Variants in SYNE1 observed in about 807,000 individuals in gnomAD.
SYNE1 encodes nesprin-1.
In SYNE1, 616 loss-of-function variants were observed where a neutral mutation model predicts 1,111.0. That is an observed-to-expected ratio of 0.55 (90% confidence interval 0.52 to 0.59). SYNE1 has a LOEUF of 0.59. Among genes scored for constraint, SYNE1 ranks in the 20% least tolerant of loss-of-function variants. The probability of loss-of-function intolerance (pLI) is 0.00; values close to 1 mark genes in which losing one functional copy is unlikely to be tolerated. For synonymous variants in SYNE1, 3,855 were observed against 3,825.8 expected (o/e 1.01, Z -0.28); for missense variants, 10,006 against 10,417.0 (o/e 0.96, Z 1.72).
At chr6:152,309,125 C>G (rs6906189) in intron 90 of SYNE1, among the ~76,000 whole-genome samples, 3,942 of 152,142 alleles carry the variant, frequency 0.026, 182 homozygotes, top group African/African-American at 0.09. Context: ...TCAATACAGC[C>G]TGGGCAACAT....
chr6:152,200,586 G>T (rs945459866), intron 127 of SYNE1, among the ~76,000 whole-genome samples: 1 of 152,066 alleles, frequency 6.6e-6, no homozygotes, highest in Non-Finnish European at 1.5e-5. Context: ...TTTAGATATG[G>T]AGTCTTGCCA....
In SYNE1 at chr6:152,347,077, G is replaced by T. The variant is rs2096650506; in HGVS notation, c.12060C>A (p.Ile4020=). ...LQGTKDSYSA[I]CSTAQRMYQS... ...CACTCACCCTCTGAGCTGTGCTGCA[G>T]ATCGCTGAGTAGCTGTCCTTTGTGC... Residue 4020 remains isoleucine, a synonymous_variant, in exon 73 of 146, where the codon ATC becomes ATA. Coordinates refer to ENST00000367255, the MANE Select transcript of SYNE1 (RefSeq NM_182961.4). The T allele has an allele frequency of 2.5e-6, 4 of 1,614,172 alleles. No homozygotes were observed. The East Asian group carries it at 8.9e-5, about 36-fold the overall frequency.
Position 152,211,505 on chromosome 6 carries a change from T to G in SYNE1, c.22578A>C (p.Gln7526His), listed in dbSNP as rs1388558054. Residue 7526 changes from glutamine to histidine, a missense_variant, in exon 124 of 146, where the codon CAA becomes CAC. By Grantham distance (24) the Gln-to-His change is conservative. Coordinates refer to ENST00000367255, the MANE Select transcript of SYNE1 (RefSeq NM_182961.4). ...IDGQRLLEQGQVDDRDEFNLK... is the reference protein window; with the variant it reads ...IDGQRLLEQGHVDDRDEFNLK... ...ATCAAAGATCCTACCTGTCATCAAC[T>G]TGACCTTGTTCTAGAAGACGTTGCC... is the stretch of plus-strand genomic sequence containing the variant. 1.2e-6 allele frequency: 2 copies of G among 1,613,362 alleles called. No individual in the cohort carries two copies. Among genetic ancestry groups the G allele is most frequent in the East Asian group, 4.5e-5 (2 of 44,842 alleles).
rs113999220 is a variant in SYNE1 at position 152,432,059 on chromosome 6, G to A, written c.4462-1350C>T. 3.6e-3 allele frequency among the ~76,000 whole-genome samples: 554 copies of A among 152,148 alleles called. 1 individual carries two copies. Among genetic ancestry groups the A allele is most frequent in the African/African-American group, 0.012 (492 of 41,534 alleles). On this transcript the variant is annotated intron_variant, in intron 34 of 145. Coordinates refer to ENST00000367255, the MANE Select transcript of SYNE1 (RefSeq NM_182961.4). ...TTGCCATCAACAAATTCATATATACGAATCACTCAATCATATTGTTGGATT... is the reference window on the plus strand; with the variant it reads ...TTGCCATCAACAAATTCATATATACAAATCACTCAATCATATTGTTGGATT...
At chr6:152,547,213 C>T (rs1010334748) in intron 3 of SYNE1, among the ~76,000 whole-genome samples, 3 of 152,204 alleles carry the variant, frequency 2.0e-5, no homozygotes, top group African/African-American at 7.2e-5. Context: ...TGGTTTGTTG[C>T]ACAGGAAAAG....
At position 152,321,795 on chromosome 6, in the gene SYNE1, A is replaced by G. The variant is rs1456839594; in HGVS notation, c.16009T>C (p.Cys5337Arg). The G allele has an allele frequency of 1.9e-6, 3 of 1,613,938 alleles. No individual in the cohort carries two copies. Among genetic ancestry groups the G allele is most frequent in the African/African-American group, 1.3e-5 (1 of 74,926 alleles). ...TATTCTTTCGTTTCCTGAACCCAAC[A>G]TTTCACAGAATTGATCTGAGTCTCC... ...MVETQINSVKCWVQETKEYLG... is the reference protein window; with the variant it reads ...MVETQINSVKRWVQETKEYLG... Residue 5337 changes from cysteine (C) to arginine (R), a missense_variant, in exon 83 of 146, where the codon TGT becomes CGT. By Grantham distance (180) the Cys-to-Arg change is radical (BLOSUM62 -3). Around this residue, in one of 7 missense-constraint regions of SYNE1, gnomAD observed 4,955 missense variants for 5,017.2 expected, o/e 0.99. Coordinates refer to ENST00000367255, the MANE Select transcript of SYNE1 (RefSeq NM_182961.4).
chr6:152,331,209 T>C lies in SYNE1; in HGVS notation c.13476A>G (p.Gln4492=), dbSNP rs758900989. ...CTTGTGCACTCTTACATGTTTTGAC[T>C]TGTTTGCTCACATCATCTGGTAACA... ...ICLLPDDVSK[Q]VKTCKSAQAS... The change falls in exon 78 of 146, where the codon CAA becomes CAG. Residue 4492 remains glutamine (Q), a synonymous_variant. Transcript: ENST00000367255. The C allele has an allele frequency of 2.5e-6, 4 of 1,614,050 alleles. No homozygotes were observed. The Admixed American group carries it at 5.0e-5, about 20-fold the overall frequency.
At chr6:152,478,423 G>C (rs1411309189) in intron 14 of SYNE1, 2 of 152,290 alleles carry the variant, frequency 1.3e-5, no homozygotes, top group African/African-American at 2.4e-5. Context: ...GAAAAAAATA[G>C]AGAAGGGAGG....
At chr6:152,375,582 T>TAA (rs370869821) in intron 58 of SYNE1, among the ~76,000 whole-genome samples, 2 of 151,104 alleles carry the variant, frequency 1.3e-5, no homozygotes, top group Admixed American at 6.6e-5. Flanking sequence ...ACAGTTAGGT[T>TAA]AAAAAAAAAG....
At chr6:152,275,692 C>A (rs1243705293) in intron 98 of SYNE1, among the ~76,000 whole-genome samples, 3 of 151,548 alleles carry the variant, frequency 2.0e-5, no homozygotes, top group African/African-American at 7.3e-5. Flanking sequence ...CCAGCCTGGG[C>A]AACATTGAGA....
chr6:152,530,707 T>C (rs1564668805), intron 4 of SYNE1, among the ~76,000 whole-genome samples: 1 of 151,600 alleles, frequency 6.6e-6, no homozygotes, highest in East Asian at 1.9e-4. Flanking sequence ...CTGCAACCTC[T>C]GCCTCCCGGG....
At chr6:152,222,662 AT>A (rs2080458174) in intron 117 of SYNE1, among the ~76,000 whole-genome samples, 1 of 152,214 alleles carries the variant, frequency 6.6e-6, no homozygotes. Flanking sequence ...ATACTTATCC[AT>A]TTTTGTCTAG....
intron 58 of SYNE1, among the ~76,000 whole-genome samples, chr6:152,375,756 T>G (rs1421181785): frequency 6.6e-6 from 1 of 152,116 alleles, no homozygotes; most frequent in Non-Finnish European, 1.5e-5. Flanking sequence ...AATGAGAAAA[T>G]CCACTTAAAG....
chr6:152,633,372 A>T (rs1464956137), intron 2 of SYNE1, among the ~76,000 whole-genome samples: 3 of 152,214 alleles, frequency 2.0e-5, no homozygotes, highest in Non-Finnish European at 4.4e-5. Flanking sequence ...TTGAGTAGCT[A>T]TTTGTAAGGG....
At chr6:152,256,377 C>T (rs2090855346) in intron 102 of SYNE1, among the ~76,000 whole-genome samples, 1 of 151,948 alleles carries the variant, frequency 6.6e-6, no homozygotes, top group South Asian at 2.1e-4. Flanking sequence ...TTGCAATGAG[C>T]CGAGATTGCA....
chr6:152,257,957 T>C (rs1459156308), intron 101 of SYNE1, among the ~76,000 whole-genome samples: 1 of 152,080 alleles, frequency 6.6e-6, no homozygotes, highest in Non-Finnish European at 1.5e-5. Flanking sequence ...ACACTCAACA[T>C]CAAACATAGC....
intron 129 of SYNE1, among the ~76,000 whole-genome samples, chr6:152,176,889 G>GT (rs2066590274): frequency 6.6e-6 from 1 of 151,942 alleles, no homozygotes; most frequent in South Asian, 2.1e-4. Context: ...GAAAATTATA[G>GT]TTTATTTCTC....
intron 128 of SYNE1, among the ~76,000 whole-genome samples, chr6:152,188,750 A>T (rs1324630420): frequency 2.0e-5 from 3 of 151,620 alleles, no homozygotes; most frequent in Non-Finnish European, 4.4e-5. Flanking sequence ...CAAGGTCAGG[A>T]GATCGAGACC....
intron 34 of SYNE1, among the ~76,000 whole-genome samples, chr6:152,430,938 G>C (rs2098423192): frequency 1.3e-5 from 2 of 152,134 alleles, no homozygotes; most frequent in Non-Finnish European, 2.9e-5. Flanking sequence ...AGAGCATACG[G>C]AGAAATAGCT....
Sources: allele counts gnomAD v4.1 joint callset (sites outside exome capture counted in the v4.1 genomes callset), GRCh38; gene constraint gnomAD v4.1.1; regional missense constraint gnomAD v4.1.1; transcripts MANE v1.5; gene names NCBI Gene and HGNC (gene_info 2026-07-23, HGNC 2026-07-21).